The following MAGI1 variants were observed in gnomAD, a reference collection of about 807,000 sequenced individuals.
The protein encoded by MAGI1 is membrane associated guanylate kinase, WW and PDZ domain containing 1, also known as membrane-associated guanylate kinase, WW and PDZ domain-containing protein 1.
A neutral mutation model predicts 139.9 loss-of-function variants in MAGI1; 58 were observed. The ratio of observed to expected loss-of-function variants is 0.41; its 90% CI spans 0.34 to 0.52. The LOEUF (loss-of-function observed/expected upper bound fraction) is 0.52, where lower values mean the gene tolerates loss of function less well. Among genes scored for constraint, MAGI1 ranks in the 20% least tolerant of loss-of-function variants. The probability of loss-of-function intolerance (pLI) is 0.12; values close to 1 mark genes in which losing one functional copy is unlikely to be tolerated. For synonymous variants in MAGI1, 812 were observed against 737.9 expected, an observed-to-expected ratio of 1.10 and a Z score of -1.63; for missense variants, 1,874 against 1,901.6, an observed-to-expected ratio of 0.99 and a Z score of 0.27.
chr3:65,764,972 G>T (rs1464254055), intron 1 of MAGI1, among the ~76,000 whole-genome samples: 1 of 152,102 alleles, frequency 6.6e-6, no homozygotes, highest in Non-Finnish European at 1.5e-5. Flanking sequence ...CAAGAAGATG[G>T]CAGAAAAATG....
chr3:65,680,696 C>T (rs2087524246), intron 1 of MAGI1, among the ~76,000 whole-genome samples: 1 of 152,156 alleles, frequency 6.6e-6, no homozygotes, highest in Non-Finnish European at 1.5e-5. Context: ...GCTAGGATTG[C>T]AGGAGTGAGC....
chr3:65,807,223 C>T (rs1190399806), intron 1 of MAGI1, among the ~76,000 whole-genome samples: 1 of 152,160 alleles, frequency 6.6e-6, no homozygotes, highest in African/African-American at 2.4e-5. Context: ...AACAGAAATT[C>T]ACTTCTCCCA....
In MAGI1 at chr3:65,359,821, T is replaced by C. The variant is rs144309638; in HGVS notation, c.3634+1378A>G. On this transcript the variant is annotated intron_variant, in intron 22 of 22. Transcript: ENST00000402939. ...ATTTTCATCCTCAGTGCAACAGACA[T>C]AGGTTTTGAGAAGGTACACAGGTTA... 184 of 985,634 alleles carry C rather than the reference T, an allele frequency of 1.9e-4. 2 individuals are homozygous for C. In the East Asian group the frequency reaches 0.015, roughly 83 times the overall value. 61.1% of individuals were successfully genotyped at this position (985,634 alleles called of 1,614,324 possible). A position where few individuals can be genotyped will look rare whatever the true frequency, so the allele number is the denominator to read the frequency against.
chr3:65,813,224 A>T (rs1287468320), intron 1 of MAGI1, among the ~76,000 whole-genome samples: 1 of 151,422 alleles, frequency 6.6e-6, no homozygotes, highest in Non-Finnish European at 1.5e-5. Flanking sequence ...CAAGCGCCAC[A>T]CCCCCATTTC....
At chr3:65,776,036 G>A (rs191471947) in intron 1 of MAGI1, among the ~76,000 whole-genome samples, 24 of 151,494 alleles carry the variant, frequency 1.6e-4, no homozygotes, top group African/African-American at 5.6e-4. Flanking sequence ...CATAAATCCC[G>A]TACTTACTTA....
At chr3:65,714,859 A>G (rs2032023026) in intron 1 of MAGI1, among the ~76,000 whole-genome samples, 1 of 152,164 alleles carries the variant, frequency 6.6e-6, no homozygotes. Context: ...ACTGTGACCA[A>G]GCCTGGCAGT....
chr3:65,445,170 C>A (rs184542748), intron 7 of MAGI1, among the ~76,000 whole-genome samples: 3 of 152,288 alleles, frequency 2.0e-5, no homozygotes, highest in African/African-American at 7.2e-5. Flanking sequence ...TTTGGCATTG[C>A]CCAGATATAA....
intron 1 of MAGI1, among the ~76,000 whole-genome samples, chr3:65,951,676 C>A (rs2063869238): frequency 6.6e-6 from 1 of 152,050 alleles, no homozygotes; most frequent in African/African-American, 2.4e-5. Flanking sequence ...ACAAGTGGTT[C>A]GCATTATATT....
chr3:65,927,100 G>A (rs909404060), intron 1 of MAGI1, among the ~76,000 whole-genome samples: 5 of 152,222 alleles, frequency 3.3e-5, no homozygotes, highest in Admixed American at 6.5e-5. Flanking sequence ...ATATAATCAA[G>A]AAATAACCAT....
At chr3:65,430,369 G>A (rs1000590631) in intron 11 of MAGI1, among the ~76,000 whole-genome samples, 5 of 151,962 alleles carry the variant, frequency 3.3e-5, no homozygotes, top group African/African-American at 9.7e-5. Context: ...GAACATTGGA[G>A]CTTTCTCCTA....
At chr3:65,796,929 T>C (rs1405492788) in intron 1 of MAGI1, among the ~76,000 whole-genome samples, 1 of 152,254 alleles carries the variant, frequency 6.6e-6, no homozygotes. Context: ...ATGCCTCCTC[T>C]GTTACCAACA....
intron 1 of MAGI1, among the ~76,000 whole-genome samples, chr3:65,909,370 A>C (rs895834242): frequency 6.6e-6 from 1 of 152,078 alleles, no homozygotes; most frequent in Non-Finnish European, 1.5e-5. Flanking sequence ...TACAAAAAAA[A>C]AAAAAATTGT....
At chr3:65,676,462 TA>T (rs2087197155) in intron 1 of MAGI1, among the ~76,000 whole-genome samples, 1 of 152,150 alleles carries the variant, frequency 6.6e-6, no homozygotes, top group South Asian at 2.1e-4. Flanking sequence ...AGATTTTTTT[TA>T]AAAAACGTAC....
intron 1 of MAGI1, among the ~76,000 whole-genome samples, chr3:65,946,290 C>A (rs1279099421): frequency 6.6e-6 from 1 of 152,224 alleles, no homozygotes; most frequent in Admixed American, 6.5e-5. Context: ...AAAGAACTTT[C>A]GGGAACTACA....
chr3:65,571,204 T>C (rs2080942928), intron 2 of MAGI1, among the ~76,000 whole-genome samples: 1 of 152,164 alleles, frequency 6.6e-6, no homozygotes, highest in Non-Finnish European at 1.5e-5. Context: ...TTTTAAAAAT[T>C]GCAGTGAATG....
Position 65,437,209 on chromosome 3 carries a change from T to C in MAGI1, c.1309A>G (p.Ile437Val). The change falls in exon 10 of 23, where the codon ATT becomes GTT. Residue 437 changes from isoleucine to valine, a missense_variant. Physicochemically the swap from Ile to Val is conservative, Grantham distance 29. Around this residue, in one of 5 missense-constraint regions of MAGI1, gnomAD observed 648 missense variants for 598.1 expected, o/e 1.08. Coordinates refer to ENST00000402939, the MANE Select transcript of MAGI1 (RefSeq NM_001033057.2). The part of the protein sequence containing the change: ...EDHSALVPPV[I>V]PNHPPSNPEP... ...GGATTGCTTGGAGGGTGGTTTGGAA[T>C]AACAGGAGGCACAAGGGCTGAGTGA... 6.2e-7 allele frequency: 1 copy of C among 1,612,518 alleles called. No homozygotes were observed. The highest frequency in any genetic ancestry group is 8.5e-7 in the Non-Finnish European group (1 of 1,178,726).
chr3:65,620,487 T>A (rs1186111129), intron 2 of MAGI1, among the ~76,000 whole-genome samples: 2 of 152,180 alleles, frequency 1.3e-5, no homozygotes, highest in African/African-American at 2.4e-5. Context: ...GAAGCCCTGA[T>A]CACCTATGGC....
intron 1 of MAGI1, among the ~76,000 whole-genome samples, chr3:65,991,692 C>G (rs2066182121): frequency 6.6e-6 from 1 of 152,122 alleles, no homozygotes; most frequent in South Asian, 2.1e-4. Context: ...TTAGACTCTT[C>G]CCTAAATCAC....
chr3:65,548,499 G>C (rs1221091461), intron 2 of MAGI1, among the ~76,000 whole-genome samples: 2 of 135,862 alleles, frequency 1.5e-5, no homozygotes. Flanking sequence ...CCAGCTTTAT[G>C]CAAACAACAC....
Sources: allele counts gnomAD v4.1 joint callset (sites outside exome capture counted in the v4.1 genomes callset), GRCh38; gene constraint gnomAD v4.1.1; regional missense constraint gnomAD v4.1.1; transcripts MANE v1.5; gene names NCBI Gene and HGNC (gene_info 2026-07-23, HGNC 2026-07-21).